The following CLVS1 variants were observed in gnomAD, a reference collection of about 807,000 sequenced individuals.
The protein encoded by CLVS1 is clavesin 1.
A neutral mutation model predicts 33.1 loss-of-function variants in CLVS1; 10 were observed. That is an observed-to-expected ratio of 0.30 (90% confidence interval 0.19 to 0.51). The LOEUF (loss-of-function observed/expected upper bound fraction) is 0.51. Among genes scored for constraint, CLVS1 ranks in the 20% least tolerant of loss-of-function variants. The pLI is 0.97. For missense variants in CLVS1, 343 were observed against 433.4 expected, an observed-to-expected ratio of 0.79 and a Z score of 1.85; for synonymous variants, 163 against 166.1, an observed-to-expected ratio of 0.98 and a Z score of 0.14.
At chr8:61,162,764 C>T (rs901225721) in intron 2 of CLVS1, among the ~76,000 whole-genome samples, 7 of 152,196 alleles carry the variant, frequency 4.6e-5, no homozygotes, top group African/African-American at 1.4e-4. Context: ...TTGGGTACAA[C>T]ATGGGCCTAA....
chr8:61,063,204 T>TGCATTGAATG (rs145526491), intron 1 of CLVS1, among the ~76,000 whole-genome samples: 9,804 of 148,886 alleles, frequency 0.066, 447 homozygotes, highest in South Asian at 0.2. Context: ...AATAAACGAG[T>TGCATTGAATG]GCATTGAATG....
intron 1 of CLVS1, among the ~76,000 whole-genome samples, chr8:61,075,618 G>T (rs1804896158): frequency 6.6e-6 from 1 of 152,232 alleles, no homozygotes; most frequent in South Asian, 2.1e-4. Flanking sequence ...ACCTAATTAT[G>T]ATTGTCTGAT....
In CLVS1 at chr8:61,436,722, T is replaced by C. The variant is rs79246430; in HGVS notation, c.631-17419T>C. On this transcript the variant is annotated intron_variant, in intron 3 of 5. Coordinates refer to ENST00000325897, the MANE Select transcript of CLVS1 (RefSeq NM_173519.3). ...TCCTTTCTTCTCTATCTCCACTAAT[T>C]TCTTGGGAGACATCACCAAACTTAA... Among the ~76,000 whole-genome samples the C allele has an allele frequency of 5.9e-5, 9 of 152,284 alleles. No homozygotes were observed. In the East Asian group the frequency reaches 1.7e-3, roughly 29 times the overall value.
At chr8:61,265,357 G>A (rs1809283736) in intron 2 of CLVS1, among the ~76,000 whole-genome samples, 1 of 152,094 alleles carries the variant, frequency 6.6e-6, no homozygotes, top group South Asian at 2.1e-4. Context: ...TGGTGACTTT[G>A]GATCAGTTAC....
At chr8:61,158,278 C>T (rs1358887733) in intron 2 of CLVS1, among the ~76,000 whole-genome samples, 2 of 152,054 alleles carry the variant, frequency 1.3e-5, no homozygotes, top group African/African-American at 2.4e-5. Flanking sequence ...AAACAATGTT[C>T]CACGGTGATG....
chr8:61,134,216 T>C (rs1806150391), intron 2 of CLVS1, among the ~76,000 whole-genome samples: 1 of 152,162 alleles, frequency 6.6e-6, no homozygotes, highest in Non-Finnish European at 1.5e-5. Flanking sequence ...CACTCCACTC[T>C]GCTCAGCACA....
chr8:61,216,989 A>G lies in CLVS1; in HGVS notation c.-151-82688A>G, dbSNP rs547814604. 6.6e-5 allele frequency among the ~76,000 whole-genome samples: 10 copies of G among 152,294 alleles called. No homozygotes were observed. The East Asian group carries it at 1.2e-3, about 18-fold the overall frequency. On this transcript the variant is annotated intron_variant, in intron 2 of 2. Coordinates refer to the CLVS1 transcript ENST00000522621. ...CTTTCTAAGTTCTCCATTACACGTG[A>G]AAAGTTTGCTCATCACTCATCTAGG... is the stretch of plus-strand genomic sequence containing the variant.
intron 2 of CLVS1, among the ~76,000 whole-genome samples, chr8:61,213,964 G>A (rs1444542587): frequency 6.6e-6 from 1 of 152,084 alleles, no homozygotes; most frequent in Non-Finnish European, 1.5e-5. Flanking sequence ...TGGAGATATA[G>A]GCCTATAAAT....
chr8:61,258,984 A>T (rs1460304766), intron 2 of CLVS1, among the ~76,000 whole-genome samples: 1 of 152,202 alleles, frequency 6.6e-6, no homozygotes, highest in Non-Finnish European at 1.5e-5. Flanking sequence ...AACATTAAAA[A>T]GTTCCAATGT....
At chr8:61,079,140 T>G (rs913516982) in intron 1 of CLVS1, among the ~76,000 whole-genome samples, 1 of 152,202 alleles carries the variant, frequency 6.6e-6, no homozygotes, top group African/African-American at 2.4e-5. Flanking sequence ...GTAGTGGTGT[T>G]TGAGACATCA....
rs568907594 is a variant in CLVS1, at chr8:61,455,102, T to G, written c.741+851T>G. Among the ~76,000 whole-genome samples the G allele has an allele frequency of 5.9e-5, 9 of 152,312 alleles. No individual in the cohort carries two copies. The East Asian group carries it at 1.2e-3, about 20-fold the overall frequency. ...TATTTAAGGTGTTCAATGTGATGTT[T>G]TTATATACCTATGCATTGTGAAATG... On this transcript the variant is annotated intron_variant, in intron 4 of 5. Transcript: ENST00000325897.
chr8:61,177,658 TC>T (rs1294331603), intron 2 of CLVS1, among the ~76,000 whole-genome samples: 3 of 151,956 alleles, frequency 2.0e-5, no homozygotes, highest in Non-Finnish European at 4.4e-5. Flanking sequence ...TTCCCCAGCC[TC>T]CTCAAGTGAC....
the CLVS1 span, among the ~76,000 whole-genome samples, chr8:61,044,319 CT>C: frequency 6.6e-6 from 1 of 152,140 alleles, no homozygotes; most frequent in Admixed American, 6.5e-5. Flanking sequence ...CTATTGGGCA[CT>C]TGTAGAGACA....
chr8:61,370,894 G>T (rs976955213), intron 2 of CLVS1, among the ~76,000 whole-genome samples: 1 of 151,898 alleles, frequency 6.6e-6, no homozygotes. Context: ...TTATTTACTC[G>T]TTGATTGATG....
chr8:61,436,575 T>A (rs184786036), intron 3 of CLVS1, among the ~76,000 whole-genome samples: 16 of 152,186 alleles, frequency 1.1e-4, no homozygotes, highest in African/African-American at 3.9e-4. Flanking sequence ...TCCCTTTCCT[T>A]GGCCTCTAGT....
intron 3 of CLVS1, among the ~76,000 whole-genome samples, chr8:61,421,845 G>A (rs888695622): frequency 2.0e-5 from 3 of 152,102 alleles, no homozygotes; most frequent in African/African-American, 2.4e-5. Context: ...CTCTGTGGTC[G>A]TGCTAGGAAC....
intron 2 of CLVS1, among the ~76,000 whole-genome samples, chr8:61,248,462 T>C (rs1460969539): frequency 6.6e-6 from 1 of 152,166 alleles, no homozygotes; most frequent in African/African-American, 2.4e-5. Context: ...CTCTGATTTC[T>C]TTGAGCAATG....
intron 2 of CLVS1, among the ~76,000 whole-genome samples, chr8:61,325,223 T>C (rs901696441): frequency 4.0e-5 from 6 of 149,362 alleles, no homozygotes; most frequent in East Asian, 2.1e-4. Context: ...CACACACACA[T>C]ACACACACAC....
At chr8:61,026,448 A>T in the CLVS1 span, among the ~76,000 whole-genome samples, 1 of 152,232 alleles carries the variant, frequency 6.6e-6, no homozygotes, top group East Asian at 1.9e-4. Context: ...GAGGTGAGGG[A>T]ATTAATTCAG....
Sources: allele counts gnomAD v4.1 joint callset (sites outside exome capture counted in the v4.1 genomes callset), GRCh38; gene constraint gnomAD v4.1.1; transcripts MANE v1.5; gene names NCBI Gene and HGNC (gene_info 2026-07-23, HGNC 2026-07-21).